The following SLC12A1 variants were observed in gnomAD, a reference collection of about 807,000 sequenced individuals.
SLC12A1 encodes the protein solute carrier family 12 member 1.
Under a neutral mutation model 130.4 loss-of-function variants are expected in SLC12A1, and 89 were observed. That is an observed-to-expected ratio of 0.68 (90% CI 0.58 to 0.81). SLC12A1 has a LOEUF of 0.81. Among genes scored for constraint, SLC12A1 ranks in the 40% least tolerant of loss-of-function variants. The pLI is 0.00. For missense variants in SLC12A1, 1,310 were observed against 1,336.4 expected (o/e 0.98, Z 0.31); for synonymous variants, 499 against 460.0 (o/e 1.08, Z -1.09).
At chr15:48,255,721 A>G in intron 15 of SLC12A1, 90 bp from the exon 16 acceptor site, 1 of 834,156 alleles carries the variant, frequency 1.2e-6, no homozygotes, top group Non-Finnish European at 1.9e-6. Flanking sequence ...AGCCAAGGAA[A>G]ATCATAGAAG....
At position 48,246,949 on chromosome 15, in the gene SLC12A1, C is replaced by A. The variant is rs1366101480; in HGVS notation, c.1493C>A (p.Ala498Glu). Residue 498 changes from alanine to glutamate, a missense_variant, in exon 12 of 27, where the codon GCG becomes GAG. By Grantham distance (107) the Ala-to-Glu change is moderately radical (BLOSUM62 -1). Coordinates refer to ENST00000380993, the MANE Select transcript of SLC12A1 (RefSeq NM_000338.3). The part of the protein sequence containing the change: ...MVSGFGPLIT[A>E]GIFSATLSSA... ...TCAGGGTTCGGCCCCCTCATCACTG[C>A]GGGAATCTTTTCTGCAACACTCTCC... The A allele has an allele frequency of 6.2e-7, 1 of 1,613,934 alleles. No individual in the cohort carries two copies. Among genetic ancestry groups the A allele is most frequent in the South Asian group, 1.1e-5 (1 of 91,080 alleles).
At chr15:48,229,167 G>C (rs2041334443) in intron 5 of SLC12A1, 22 bp from the exon 6 acceptor site, 1 of 1,575,578 alleles carries the variant, frequency 6.3e-7, no homozygotes, top group Non-Finnish European at 8.6e-7. Context: ...TCAATGTGAA[G>C]TATGTTCATT....
chr15:48,294,765 A>C (rs1479578136), intron 24 of SLC12A1, among the ~76,000 whole-genome samples: 2 of 152,230 alleles, frequency 1.3e-5, no homozygotes, highest in Admixed American at 6.5e-5. Context: ...AATAGGGCAT[A>C]GCTGGCCAGT....
At chr15:48,288,228 T>G in intron 22 of SLC12A1, 54 bp downstream of exon 22, 1 of 1,541,154 alleles carries the variant, frequency 6.5e-7, no homozygotes, top group Non-Finnish European at 8.9e-7. Context: ...TTGATAAACT[T>G]AAACTGCATG....
chr15:48,226,000 C>T (rs1466268024), intron 4 of SLC12A1: 1 of 513,046 alleles, frequency 1.9e-6, no homozygotes, highest in Admixed American at 6.4e-5. Context: ...GCAACACAGG[C>T]TCTAACAGTT....
At chr15:48,288,565 T>C in intron 23 of SLC12A1, 49 bp downstream of exon 23, 1 of 851,074 alleles carries the variant, frequency 1.2e-6, no homozygotes, top group East Asian at 2.7e-5. Context: ...GGTTTGTTGC[T>C]TTAATGCTTT....
At chr15:48,286,309 TG>T (rs1401096282) in intron 21 of SLC12A1, among the ~76,000 whole-genome samples, 4 of 152,224 alleles carry the variant, frequency 2.6e-5, no homozygotes, top group South Asian at 2.1e-4. Context: ...GGATACCCCA[TG>T]GGCCGTGGCC....
intron 19 of SLC12A1, among the ~76,000 whole-genome samples, chr15:48,273,299 T>C (rs2041917870): frequency 6.6e-6 from 1 of 152,126 alleles, no homozygotes; most frequent in Admixed American, 6.5e-5. Flanking sequence ...CAGCGATGGC[T>C]GGTCAAGTTC....
intron 8 of SLC12A1, among the ~76,000 whole-genome samples, chr15:48,234,616 C>T (rs1456340306): frequency 1.3e-5 from 2 of 152,006 alleles, no homozygotes; most frequent in African/African-American, 4.8e-5. Context: ...TGGTGGCGGG[C>T]GCCTGTAATC....
chr15:48,253,873 ACCT>A (rs1332082145), intron 15 of SLC12A1, among the ~76,000 whole-genome samples: 1 of 152,200 alleles, frequency 6.6e-6, no homozygotes, highest in Non-Finnish European at 1.5e-5. Context: ...GTGTAGTGCC[ACCT>A]CATTGTGGTT....
At chr15:48,302,203 G>A (rs1172691105) in intron 26 of SLC12A1, among the ~76,000 whole-genome samples, 2 of 152,160 alleles carry the variant, frequency 1.3e-5, no homozygotes, top group Admixed American at 6.5e-5. Context: ...GTACATTTTT[G>A]TTTTGTCTTT....
chr15:48,240,112 CATAT>C (rs751601018), intron 9 of SLC12A1, among the ~76,000 whole-genome samples: 5 of 74,380 alleles, frequency 6.7e-5, no homozygotes, highest in African/African-American at 2.0e-4. Context: ...TATATATATC[CATAT>C]ATATATATAT....
chr15:48,228,821 AC>A (rs2041328116), intron 5 of SLC12A1: 1 of 162,360 alleles, frequency 6.2e-6, no homozygotes. Context: ...AGACTTTCCT[AC>A]TCCTGGAAAT....
rs1238623912 is a variant in SLC12A1, at chr15:48,208,007, C to A, written c.288C>A (p.Tyr96Ter). The A allele has an allele frequency of 6.2e-7, 1 of 1,613,982 alleles. No individual in the cohort carries two copies. Residue 96 changes from tyrosine (Y) to a stop codon, truncating the protein, a stop_gained, in exon 2 of 27, where the codon TAC (tyrosine) becomes TAA (stop). Transcript: ENST00000380993. LOFTEE classifies it high-confidence loss of function. ...FHAYDSHTNT[Y>*]YLQTFGHNTM... ...CTTATGATTCTCACACAAACACATACTATCTACAAACTTTTGGCCACAACA... is the reference window on the plus strand; with the variant it reads ...CTTATGATTCTCACACAAACACATAATATCTACAAACTTTTGGCCACAACA...
chr15:48,300,045 C>T (rs148529174), intron 25 of SLC12A1, among the ~76,000 whole-genome samples: 1 of 152,236 alleles, frequency 6.6e-6, no homozygotes, highest in East Asian at 1.9e-4. Flanking sequence ...AGAAAGAAAT[C>T]TTAGGGCCGG....
chr15:48,240,010 CAT>C (rs1194360232), intron 9 of SLC12A1, among the ~76,000 whole-genome samples: 45 of 96,608 alleles, frequency 4.7e-4, no homozygotes, highest in Middle Eastern at 5.4e-3. Context: ...ATCTGTTATC[CAT>C]ATATATATAT....
intron 2 of SLC12A1, among the ~76,000 whole-genome samples, chr15:48,215,314 T>G (rs535243405): frequency 2.0e-4 from 30 of 152,342 alleles, no homozygotes; most frequent in African/African-American, 6.7e-4. Context: ...GGATAATCTG[T>G]TATCAAGTGG....
intron 17 of SLC12A1, among the ~76,000 whole-genome samples, 160 bp downstream of exon 17, chr15:48,259,471 G>A (rs556344577): frequency 6.6e-6 from 1 of 152,304 alleles, no homozygotes; most frequent in East Asian, 1.9e-4. Flanking sequence ...ACAAGCAAGA[G>A]CCCGTGATCC....
intron 2 of SLC12A1, chr15:48,217,890 T>C: frequency 6.6e-6 from 1 of 152,612 alleles, no homozygotes; most frequent in Non-Finnish European, 1.5e-5. Context: ...CACTGCAGCC[T>C]TGACCTCCCT....
Sources: gnomAD v4.1 joint callset for allele counts (sites outside exome capture counted in the v4.1 genomes callset) on GRCh38, gnomAD v4.1.1 for gene constraint, MANE v1.5 for transcripts, NCBI Gene and HGNC (gene_info 2026-07-23, HGNC 2026-07-21) for gene names.